Variants in XKR9 observed in about 807,000 individuals in gnomAD.
XKR9 encodes the protein XK-related protein 9.
In XKR9, 32 loss-of-function variants were observed where a neutral mutation model predicts 32.0. That is an observed-to-expected ratio of 1.00 (90% CI 0.76 to 1.34). XKR9 has a LOEUF of 1.34. Among genes scored for constraint, XKR9 ranks in the 40% most tolerant of loss-of-function variants. The pLI is 0.00. For synonymous variants in XKR9, 168 were observed against 143.4 expected, an observed-to-expected ratio of 1.17 and a Z score of -1.22; for missense variants, 546 against 429.7, an observed-to-expected ratio of 1.27 and a Z score of -2.39.
intron 2 of XKR9, among the ~76,000 whole-genome samples, chr8:70,755,742 C>G (rs1308945278): frequency 1.5e-5 from 2 of 133,148 alleles, no homozygotes; most frequent in East Asian, 2.2e-4. Flanking sequence ...GGGAACACCA[C>G]ACTCTGGTGA....
chr8:70,796,680 G>A, the XKR9 span, among the ~76,000 whole-genome samples: 1 of 152,022 alleles, frequency 6.6e-6, no homozygotes, highest in East Asian at 1.9e-4. Context: ...TCACTGTAAG[G>A]TAAATTTAAA....
the XKR9 span, among the ~76,000 whole-genome samples, chr8:71,038,291 C>G: frequency 8.3e-6 from 1 of 120,872 alleles, no homozygotes; most frequent in Non-Finnish European, 1.8e-5. Flanking sequence ...TTTCTTTTCT[C>G]TCTCTCTCTC....
chr8:70,754,622 A>G lies in XKR9; in HGVS notation n.353-34717A>G, dbSNP rs547725176. On this transcript the variant is annotated intron_variant and non_coding_transcript_variant, in intron 2 of 3. Coordinates refer to the XKR9 transcript ENST00000520273. ...GAAATAACGCCGCACATCTACAACT[A>G]TCTGATCTTTGACAAACCTGACAAA... 9.2e-4 allele frequency among the ~76,000 whole-genome samples: 140 copies of G among 151,658 alleles called. 5 individuals carry two copies. The highest frequency in any genetic ancestry group is 7.9e-3 in the Admixed American group (120 of 15,144).
At chr8:70,945,090 T>A in the XKR9 span, among the ~76,000 whole-genome samples, 3 of 152,236 alleles carry the variant, frequency 2.0e-5, no homozygotes, top group Non-Finnish European at 4.4e-5. Flanking sequence ...GATTAAAAAG[T>A]GTTAGAGGGA....
chr8:70,917,090 A>G, the XKR9 span, among the ~76,000 whole-genome samples: 2 of 152,000 alleles, frequency 1.3e-5, no homozygotes, highest in Non-Finnish European at 2.9e-5. Flanking sequence ...ATTGTTTTCT[A>G]TTATTCTTAC....
the XKR9 span, among the ~76,000 whole-genome samples, chr8:71,005,883 G>C: frequency 6.6e-6 from 1 of 152,316 alleles, no homozygotes; most frequent in East Asian, 1.9e-4. Context: ...AAAGTTACCA[G>C]TTTGGGATCT....
intron 2 of XKR9, among the ~76,000 whole-genome samples, chr8:70,751,509 T>C (rs1017545128): frequency 2.0e-5 from 3 of 152,148 alleles, no homozygotes; most frequent in African/African-American, 7.2e-5. Context: ...GGTGTGGTTG[T>C]GAGGCTACTT....
chr8:70,712,531 T>G (rs900900583), intron 4 of XKR9, among the ~76,000 whole-genome samples: 1 of 152,050 alleles, frequency 6.6e-6, no homozygotes, highest in African/African-American at 2.4e-5. Flanking sequence ...TCCATAAAAC[T>G]GGGACTCCAA....
intron 3 of XKR9, 44 bp downstream of exon 3, chr8:70,681,374 A>G: frequency 6.4e-7 from 1 of 1,561,302 alleles, no homozygotes; most frequent in Non-Finnish European, 8.6e-7. Flanking sequence ...TTCTTTTTCC[A>G]AACAGAAGCT....
At chr8:70,765,055 A>G (rs1041252352) in intron 2 of XKR9, among the ~76,000 whole-genome samples, 3 of 152,186 alleles carry the variant, frequency 2.0e-5, no homozygotes, top group Non-Finnish European at 2.9e-5. Context: ...ATAAACATAC[A>G]TGTGCATGTG....
the XKR9 span, among the ~76,000 whole-genome samples, chr8:70,979,960 G>A: frequency 1.2e-4 from 18 of 152,228 alleles, no homozygotes; most frequent in African/African-American, 4.3e-4. Context: ...TGTAGCCTCA[G>A]CAATGGTGGA....
chr8:70,857,734 G>A, the XKR9 span, among the ~76,000 whole-genome samples: 9 of 152,182 alleles, frequency 5.9e-5, no homozygotes, highest in East Asian at 9.7e-4. Flanking sequence ...CTGGGAAACC[G>A]AATCCAGCAG....
the XKR9 span, among the ~76,000 whole-genome samples, chr8:70,995,178 G>T: frequency 1.3e-5 from 2 of 152,162 alleles, no homozygotes; most frequent in East Asian, 3.8e-4. Flanking sequence ...ACGATAAGTG[G>T]CTGAGAGAAA....
At chr8:70,723,747 G>A (rs926741667) in intron 4 of XKR9, among the ~76,000 whole-genome samples, 2 of 152,124 alleles carry the variant, frequency 1.3e-5, no homozygotes, top group African/African-American at 2.4e-5. Context: ...TGAGGTGTCT[G>A]TCAACCCCTG....
chr8:71,040,729 T>C, the XKR9 span, among the ~76,000 whole-genome samples: 1 of 152,200 alleles, frequency 6.6e-6, no homozygotes, highest in African/African-American at 2.4e-5. Flanking sequence ...TGTCTTATCT[T>C]TCCATTTAAT....
At chr8:70,790,285 T>C (rs1485177727) in exon 4 of XKR9, 1 of 152,022 alleles carries the variant, frequency 6.6e-6, no homozygotes, top group Non-Finnish European at 1.5e-5. Flanking sequence ...TGAAAGTAGG[T>C]CCAAAACTTC....
rs565578989 is a variant in XKR9, at chr8:70,728,882, C to T, written c.494-4914C>T. Among the ~76,000 whole-genome samples, 38 of 152,210 alleles carry T rather than the reference C, an allele frequency of 2.5e-4. No homozygotes were observed. The South Asian group carries it at 6.8e-3, about 27-fold the overall frequency. On this transcript the variant is annotated intron_variant, in intron 4 of 4. Coordinates refer to ENST00000408926, the MANE Select transcript of XKR9 (RefSeq NM_001011720.2). Reference sequence around the variant, plus strand: ...AATCTCGGATAAGATATTTTAAAGCCGAGCACAGCCGTGGGCTTGTACCTC... The same window carrying T: ...AATCTCGGATAAGATATTTTAAAGCTGAGCACAGCCGTGGGCTTGTACCTC...
chr8:70,935,955 A>T, the XKR9 span, among the ~76,000 whole-genome samples: 2 of 152,076 alleles, frequency 1.3e-5, no homozygotes, highest in African/African-American at 4.8e-5. Flanking sequence ...GTTTCTAACT[A>T]GTGCTAATTT....
the XKR9 span, among the ~76,000 whole-genome samples, chr8:70,921,782 T>G: frequency 6.6e-6 from 1 of 152,188 alleles, no homozygotes; most frequent in Non-Finnish European, 1.5e-5. Flanking sequence ...TTATACATTT[T>G]AGGTGGCAGC....
Sources: gnomAD v4.1 joint callset for allele counts (sites outside exome capture counted in the v4.1 genomes callset) on GRCh38, gnomAD v4.1.1 for gene constraint, MANE v1.5 for transcripts, NCBI Gene and HGNC (gene_info 2026-07-23, HGNC 2026-07-21) for gene names.